Variants in ZNF638 observed in about 807,000 individuals in gnomAD.
The protein encoded by ZNF638 is zinc finger protein 638, also known as CTCL tumor antigen se33-1.
Under a neutral mutation model 195.6 loss-of-function variants are expected in ZNF638, and 46 were observed. That is an observed-to-expected ratio of 0.24 (90% CI 0.19 to 0.30). The LOEUF (loss-of-function observed/expected upper bound fraction) is 0.30, where lower values mean the gene tolerates loss of function less well. ZNF638 is among the 10% of genes least tolerant of loss of function. The pLI is 1.00. For synonymous variants in ZNF638, 845 were observed against 772.0 expected, an observed-to-expected ratio of 1.09 and a Z score of -1.57; for missense variants, 2,440 against 2,325.3, an observed-to-expected ratio of 1.05 and a Z score of -1.01.
intron 21 of ZNF638, among the ~76,000 whole-genome samples, chr2:71,420,250 A>T (rs1030448889): frequency 2.0e-5 from 3 of 152,060 alleles, no homozygotes; most frequent in African/African-American, 7.2e-5. Context: ...TTGCCAATTC[A>T]TTATGAATAT....
intron 8 of ZNF638, among the ~76,000 whole-genome samples, chr2:71,379,282 G>T (rs1039004083): frequency 5.3e-5 from 8 of 152,174 alleles, no homozygotes; most frequent in African/African-American, 1.4e-4. Context: ...GTCAGTTGTG[G>T]TTTGAAAATA....
At chr2:71,420,151 C>T (rs2080399921) in intron 21 of ZNF638, among the ~76,000 whole-genome samples, 1 of 151,650 alleles carries the variant, frequency 6.6e-6, no homozygotes. Context: ...TGGCCTTGAA[C>T]TCCTGGGCAC....
At chr2:71,396,574 C>G (rs189651964) in intron 11 of ZNF638, among the ~76,000 whole-genome samples, 11 of 152,260 alleles carry the variant, frequency 7.2e-5, no homozygotes, top group Non-Finnish European at 2.9e-5. Flanking sequence ...ATAATCCTTT[C>G]CAGTTTTTCT....
intron 20 of ZNF638, chr2:71,408,688 G>A: frequency 2.4e-6 from 1 of 423,040 alleles, no homozygotes; most frequent in Non-Finnish European, 4.7e-6. Flanking sequence ...AGTAGTACAT[G>A]TAGGAAAGCT....
intron 21 of ZNF638, among the ~76,000 whole-genome samples, chr2:71,420,593 G>C (rs966787873): frequency 2.6e-5 from 4 of 152,124 alleles, no homozygotes; most frequent in Admixed American, 2.6e-4. Context: ...GTGAAATTCT[G>C]GTATTACTGG....
At chr2:71,373,174 T>C (rs1407135397) in intron 8 of ZNF638, among the ~76,000 whole-genome samples, 2 of 152,224 alleles carry the variant, frequency 1.3e-5, no homozygotes, top group Admixed American at 6.5e-5. Flanking sequence ...AAATTCGTTA[T>C]ATAGAAAATG....
At chr2:71,388,564 A>G (rs2079696786) in intron 10 of ZNF638, 1 of 748,550 alleles carries the variant, frequency 1.3e-6, no homozygotes, top group Non-Finnish European at 2.5e-6. Flanking sequence ...GCAGTTTCCT[A>G]GCTGCGCTCA....
At chr2:71,363,908 T>C (rs1306029603) in intron 4 of ZNF638, 46 bp from the exon 5 acceptor site, 4 of 1,555,054 alleles carry the variant, frequency 2.6e-6, no homozygotes, top group Non-Finnish European at 3.5e-6. Flanking sequence ...CATTTAAATT[T>C]ACATTAAATT....
chr2:71,400,005 G>A, intron 13 of ZNF638, 107 bp from the exon 14 acceptor site: 1 of 871,274 alleles, frequency 1.1e-6, no homozygotes, highest in Non-Finnish European at 1.7e-6. Context: ...TGTCAGGTCA[G>A]CCTAAGGAGA....
At chr2:71,427,563 C>A in intron 24 of ZNF638, 149 bp downstream of exon 24, 1 of 555,290 alleles carries the variant, frequency 1.8e-6, no homozygotes, top group Non-Finnish European at 2.8e-6. Flanking sequence ...ATAAATTTTC[C>A]AAAGAAATGT....
rs200620292 is a variant in ZNF638, at chr2:71,336,827, C to CT, written c.-203+4953dup. On this transcript the variant is annotated intron_variant, in intron 1 of 27. Transcript: ENST00000264447. Reference sequence around the variant, plus strand: ...AGAGTTAAAACACTGAATGTAGGGTCTAAGTTCTTAAAGACTGTGCTGCAC... The same window carrying CT: ...AGAGTTAAAACACTGAATGTAGGGTCTTAAGTTCTTAAAGACTGTGCTGCAC... Among the ~76,000 whole-genome samples, 568 of 152,304 alleles carry CT rather than the reference C, an allele frequency of 3.7e-3. 5 individuals are homozygous for CT. The highest frequency in any genetic ancestry group is 8.2e-3 in the Admixed American group (126 of 15,302).
intron 6 of ZNF638, 54 bp from the exon 7 acceptor site, chr2:71,368,328 G>C: frequency 6.6e-7 from 1 of 1,524,416 alleles, no homozygotes; most frequent in South Asian, 1.2e-5. Context: ...AATTATTACT[G>C]TACATTGTAG....
intron 13 of ZNF638, 138 bp from the exon 14 acceptor site, chr2:71,399,974 C>A: frequency 1.6e-6 from 1 of 642,536 alleles, no homozygotes; most frequent in Non-Finnish European, 2.5e-6. Flanking sequence ...TTTTGTTTTT[C>A]AAAGAGAGAT....
chr2:71,371,617 C>T (rs1243866325), intron 8 of ZNF638, among the ~76,000 whole-genome samples: 3 of 152,002 alleles, frequency 2.0e-5, no homozygotes, highest in African/African-American at 7.3e-5. Flanking sequence ...AGTACCTTTT[C>T]GTGTGCCTTT....
chr2:71,383,802 T>TACAG (rs2079583040), intron 10 of ZNF638, among the ~76,000 whole-genome samples: 1 of 143,046 alleles, frequency 7.0e-6, no homozygotes, highest in African/African-American at 2.7e-5. Context: ...GGGTTTCACC[T>TACAG]TGTTGGCCAG....
rs201631881 is a variant in ZNF638 at position 71,386,494 on chromosome 2, TAA to T, written c.2377+5931_2377+5932del. On this transcript the variant is annotated intron_variant, in intron 10 of 27. Coordinates refer to ENST00000264447, the MANE Select transcript of ZNF638 (RefSeq NM_014497.5). Reference sequence around the variant, plus strand: ...GCATCAACACCTCTTTCAGTTAAAATAAATATTTTTTAAAACTAATAACCATT... The same window carrying T: ...GCATCAACACCTCTTTCAGTTAAAATATATTTTTTAAAACTAATAACCATT... 4.5e-4 allele frequency among the ~76,000 whole-genome samples: 69 copies of T among 152,162 alleles called. 1 individual carries two copies. The East Asian group carries it at 0.012, about 27-fold the overall frequency.
intron 25 of ZNF638, among the ~76,000 whole-genome samples, chr2:71,429,575 T>C (rs1345642868): frequency 6.6e-6 from 1 of 152,174 alleles, no homozygotes; most frequent in African/African-American, 2.4e-5. Flanking sequence ...GAAAGAAATA[T>C]CCCTTTGACC....
chr2:71,335,540 CA>C (rs367604811), intron 1 of ZNF638, among the ~76,000 whole-genome samples: 10 of 148,498 alleles, frequency 6.7e-5, no homozygotes, highest in South Asian at 2.1e-4. Flanking sequence ...ATATTTTTAC[CA>C]AAAAAAAAGA....
At chr2:71,408,740 C>CT (rs749794074) in intron 20 of ZNF638, 7 of 455,028 alleles carry the variant, frequency 1.5e-5, no homozygotes, top group African/African-American at 1.2e-4. Flanking sequence ...CAAACTCAAT[C>CT]TATTTTCTCC....
Sources: gnomAD v4.1 joint callset for allele counts (sites outside exome capture counted in the v4.1 genomes callset) on GRCh38, gnomAD v4.1.1 for gene constraint, MANE v1.5 for transcripts, NCBI Gene and HGNC (gene_info 2026-07-23, HGNC 2026-07-21) for gene names.